Variants in OTOP1 observed in about 807,000 individuals in gnomAD.
OTOP1 encodes the protein proton channel OTOP1.
A neutral mutation model predicts 52.9 loss-of-function variants in OTOP1; 59 were observed. The ratio of observed to expected loss-of-function variants is 1.12; its 90% CI spans 0.91 to 1.39. The LOEUF is 1.39. Among genes scored for constraint, OTOP1 ranks in the 40% most tolerant of loss-of-function variants. OTOP1 has a pLI of 0.00. For synonymous variants in OTOP1, 317 were observed against 337.7 expected, an observed-to-expected ratio of 0.94 and a Z score of 0.67; for missense variants, 761 against 800.9, an observed-to-expected ratio of 0.95 and a Z score of 0.60.
intron 3 of OTOP1, 143 bp from the exon 4 acceptor site, chr4:4,202,721 GC>G (rs1716817104): frequency 2.9e-6 from 3 of 1,048,354 alleles, no homozygotes; most frequent in Admixed American, 4.8e-5. Context: ...CTCTGGGTGG[GC>G]CCCCTGCCTG....
intron 5 of OTOP1, 149 bp downstream of exon 5, chr4:4,197,017 C>T: frequency 1.2e-6 from 1 of 868,390 alleles, no homozygotes; most frequent in Middle Eastern, 3.6e-4. Context: ...GGGCACTATG[C>T]TCATTACCTG....
At position 4,197,638 on chromosome 4, in the gene OTOP1, G is replaced by A. The variant is rs561441189; in HGVS notation, c.1196C>T (p.Ser399Leu). 3.7e-6 allele frequency: 6 copies of A among 1,613,714 alleles called. No individual in the cohort carries two copies. The highest frequency in any genetic ancestry group is 2.2e-5 in the East Asian group (1 of 44,888). ...GCCCCAGGAGATAAGCCAGGAGCCC[G>A]AGGCAGTGCCCACCAAGAGGTCCGA... ...LDSDLLVGTA[S>L]GSWLISWGSI... The change falls in exon 5 of 6, where the codon TCG becomes TTG. Residue 399 changes from serine (S) to leucine (L), a missense_variant. Physicochemically the swap from Ser to Leu is moderately radical, Grantham distance 145 (BLOSUM62 -2). Around this residue, in one of 3 missense-constraint regions of OTOP1, gnomAD observed 632 missense variants for 619.5 expected, o/e 1.02. Coordinates refer to ENST00000296358, the MANE Select transcript of OTOP1 (RefSeq NM_177998.3).
intron 1 of OTOP1, among the ~76,000 whole-genome samples, chr4:4,220,099 A>T (rs1301205598): frequency 0.044 from 3,540 of 79,928 alleles, 238 homozygotes; most frequent in African/African-American, 0.15. Context: ...ATATATATAT[A>T]TATATATTTT....
chr4:4,217,703 G>T (rs781602765), intron 1 of OTOP1, among the ~76,000 whole-genome samples: 1 of 152,146 alleles, frequency 6.6e-6, no homozygotes, highest in Non-Finnish European at 1.5e-5. Context: ...AAGCAGAAAA[G>T]GGAACTGAGG....
At chr4:4,209,338 A>G (rs1472804476) in intron 2 of OTOP1, among the ~76,000 whole-genome samples, 2 of 152,170 alleles carry the variant, frequency 1.3e-5, no homozygotes, top group Non-Finnish European at 2.9e-5. Flanking sequence ...ACACATATAT[A>G]TACTTTTTTC....
intron 1 of OTOP1, among the ~76,000 whole-genome samples, 189 bp from the exon 2 acceptor site, chr4:4,213,193 T>A (rs760092523): frequency 2.6e-5 from 4 of 152,260 alleles, no homozygotes; most frequent in Non-Finnish European, 5.9e-5. Flanking sequence ...GAAAACTGGA[T>A]GTCCACATGC....
intron 1 of OTOP1, among the ~76,000 whole-genome samples, chr4:4,222,460 T>C (rs1226784220): frequency 1.3e-5 from 2 of 152,114 alleles, no homozygotes; most frequent in African/African-American, 4.8e-5. Context: ...GCCTGTGAAA[T>C]GCTCAAGGAG....
At chr4:4,189,065 A>C (rs2920255) in intron 5 of OTOP1, 92 bp from the exon 6 acceptor site, 929,809 of 1,216,144 alleles carry the variant, frequency 0.76, 357,143 homozygotes, top group African/African-American at 0.89. Context: ...TGGGAGCTGA[A>C]CCTAATGCAC....
intron 5 of OTOP1, among the ~76,000 whole-genome samples, chr4:4,196,417 T>C (rs923580173): frequency 6.6e-6 from 1 of 152,038 alleles, no homozygotes; most frequent in African/African-American, 2.4e-5. Context: ...ATTAGCCAAG[T>C]GTGGTGGCAG....
At chr4:4,208,681 AG>A (rs1333090306) in intron 2 of OTOP1, among the ~76,000 whole-genome samples, 2 of 152,158 alleles carry the variant, frequency 1.3e-5, no homozygotes, top group South Asian at 2.1e-4. Context: ...AAGATGAAAA[AG>A]GTCCTCAGAT....
intron 5 of OTOP1, among the ~76,000 whole-genome samples, chr4:4,191,551 C>A (rs756777880): frequency 8.5e-5 from 13 of 152,154 alleles, no homozygotes; most frequent in Non-Finnish European, 1.9e-4. Context: ...CAGAACCGCT[C>A]ACTCCCACCG....
At chr4:4,189,042 G>C (rs1359468654) in intron 5 of OTOP1, 69 bp from the exon 6 acceptor site, 8 of 1,468,394 alleles carry the variant, frequency 5.4e-6, no homozygotes, top group Non-Finnish European at 4.7e-6. Flanking sequence ...CCCCACTCAA[G>C]TCCCAGGCCT....
At chr4:4,193,148 C>T (rs1343381743) in intron 5 of OTOP1, among the ~76,000 whole-genome samples, 6 of 152,114 alleles carry the variant, frequency 3.9e-5, no homozygotes, top group South Asian at 2.1e-4. Flanking sequence ...AGTCTTGGCT[C>T]GCAGGCCCTG....
rs1268713509 is a variant in OTOP1, at chr4:4,220,096, TA to T, written c.403+6365del. The stretch of plus-strand genomic sequence containing the variant: ...ATATGTATACATATATATATATATA[TA>T]TATATATATTTTTTTTTTTTTTGAG... On this transcript the variant is annotated intron_variant, in intron 1 of 5. Transcript: ENST00000296358. Among the ~76,000 whole-genome samples the T allele has an allele frequency of 5.4e-3, 577 of 105,984 alleles. 21 individuals are homozygous for T. The highest frequency in any genetic ancestry group is 0.019 in the African/African-American group (436 of 22,972). The allele number at this position is 105,984 out of a possible 152,430, so 69.5% of individuals were successfully genotyped here.
chr4:4,217,811 A>C (rs1226759911), intron 1 of OTOP1, among the ~76,000 whole-genome samples: 1 of 152,228 alleles, frequency 6.6e-6, no homozygotes, highest in Non-Finnish European at 1.5e-5. Flanking sequence ...AAAGGACTTT[A>C]ATCAAGCAGC....
Position 4,226,924 on chromosome 4 carries a change from G to T in OTOP1, c.-60C>A. 7.8e-7 allele frequency: 1 copy of T among 1,288,614 alleles called. No individual in the cohort carries two copies. The highest frequency in any genetic ancestry group is 9.8e-7 in the Non-Finnish European group (1 of 1,020,954). The allele number at this position is 1,288,614 out of a possible 1,614,324, so 79.8% of individuals were successfully genotyped here. On this transcript the variant is annotated 5_prime_UTR_variant, in exon 1 of 6. Transcript: ENST00000296358. ...GTGGCTGCCGTCGGGCCCCGCCTGC[G>T]CTCCTGGCTCCTGTCCTTGCCCCGA...
At chr4:4,194,602 G>T (rs1003863175) in intron 5 of OTOP1, among the ~76,000 whole-genome samples, 1 of 152,206 alleles carries the variant, frequency 6.6e-6, no homozygotes, top group African/African-American at 2.4e-5. Context: ...CGTTCTTAGG[G>T]TGATATCAAA....
intron 2 of OTOP1, among the ~76,000 whole-genome samples, chr4:4,209,778 G>T (rs1716985103): frequency 6.6e-6 from 1 of 152,154 alleles, no homozygotes; most frequent in South Asian, 2.1e-4. Flanking sequence ...TGGAGCCAGA[G>T]TCATGCAATC....
chr4:4,191,105 C>G (rs73792836), intron 5 of OTOP1, among the ~76,000 whole-genome samples: 5,284 of 152,216 alleles, frequency 0.035, 281 homozygotes, highest in African/African-American at 0.12. Context: ...TCAGCTACGT[C>G]GTCCTCCCAG....
Sources: allele counts gnomAD v4.1 joint callset (sites outside exome capture counted in the v4.1 genomes callset), GRCh38; gene constraint gnomAD v4.1.1; regional missense constraint gnomAD v4.1.1; transcripts MANE v1.5; gene names NCBI Gene and HGNC (gene_info 2026-07-23, HGNC 2026-07-21).